The following GRIK3 variants were observed in gnomAD, a reference collection of about 807,000 sequenced individuals.
The protein encoded by GRIK3 is glutamate ionotropic receptor kainate type subunit 3.
Under a neutral mutation model 102.5 loss-of-function variants are expected in GRIK3, and 29 were observed. The ratio of observed to expected loss-of-function variants is 0.28; its 90% CI spans 0.21 to 0.39. The LOEUF (loss-of-function observed/expected upper bound fraction) is 0.39. GRIK3 is among the 10% of genes least tolerant of loss of function. The probability of loss-of-function intolerance (pLI) is 1.00; values close to 1 mark genes in which losing one functional copy is unlikely to be tolerated. For synonymous variants in GRIK3, 511 were observed against 504.9 expected, an observed-to-expected ratio of 1.01 and a Z score of -0.16; for missense variants, 908 against 1,252.4, an observed-to-expected ratio of 0.73 and a Z score of 4.15.
At chr1:36,868,295 C>T (rs1640807821) in intron 5 of GRIK3, among the ~76,000 whole-genome samples, 1 of 152,186 alleles carries the variant, frequency 6.6e-6, no homozygotes. Flanking sequence ...AGGAAGAAGC[C>T]AGCTTAGGTG....
chr1:36,986,338 C>CCCATCCATCCATCCAT (rs374435133), intron 1 of GRIK3, among the ~76,000 whole-genome samples: 14 of 151,808 alleles, frequency 9.2e-5, no homozygotes, highest in African/African-American at 2.7e-4. Context: ...CATCTGTCCG[C>CCCATCCATCCATCCAT]CCATCCATCC....
intron 1 of GRIK3, among the ~76,000 whole-genome samples, chr1:36,908,900 G>A (rs1641314943): frequency 6.6e-6 from 1 of 151,992 alleles, no homozygotes; most frequent in Non-Finnish European, 1.5e-5. Flanking sequence ...AACCTTGTGT[G>A]GAAGCCCAAC....
intron 1 of GRIK3, among the ~76,000 whole-genome samples, chr1:36,908,778 GGTGT>G (rs56228690): frequency 4.5e-3 from 655 of 147,068 alleles, no homozygotes; most frequent in East Asian, 0.012. Flanking sequence ...AATGGGATAG[GGTGT>G]GTGTGTGTGT....
At chr1:36,905,483 C>A in intron 1 of GRIK3, among the ~76,000 whole-genome samples, 1 of 148,174 alleles carries the variant, frequency 6.7e-6, no homozygotes. Flanking sequence ...TGAGATAGAG[C>A]TTTGGTAATA....
intron 1 of GRIK3, among the ~76,000 whole-genome samples, chr1:36,893,232 A>T (rs1641136481): frequency 2.6e-5 from 4 of 152,196 alleles, no homozygotes; most frequent in African/African-American, 7.2e-5. Context: ...AAAACCATAA[A>T]CAAAATTAAA....
rs535231601 is a variant in GRIK3 at position 36,798,781 on chromosome 1, G to A, written c.*3070C>T. The A allele has an allele frequency of 3.9e-5, 6 of 152,382 alleles. No homozygotes were observed. Among genetic ancestry groups the A allele is most frequent in the African/African-American group, 1.2e-4 (5 of 41,600 alleles). The allele number at this position is 152,382 out of a possible 1,614,324, so 9.4% of individuals were successfully genotyped here. ...ACATCAGGACGCAAGGTTTGCCTGG[G>A]AGAGGAGATGAGGCAGCATGCCCTC... On this transcript the variant is annotated 3_prime_UTR_variant, in exon 16 of 16. Coordinates refer to ENST00000373091, the MANE Select transcript of GRIK3 (RefSeq NM_000831.4).
chr1:36,992,426 T>C (rs1402259240), intron 1 of GRIK3, among the ~76,000 whole-genome samples: 1 of 152,060 alleles, frequency 6.6e-6, no homozygotes, highest in Non-Finnish European at 1.5e-5. Context: ...AAGAGGGCCA[T>C]AATGAAATGT....
At chr1:37,013,926 C>T (rs1197655033) in intron 1 of GRIK3, among the ~76,000 whole-genome samples, 1 of 152,252 alleles carries the variant, frequency 6.6e-6, no homozygotes, top group East Asian at 1.9e-4. Flanking sequence ...CATCGAATGC[C>T]TTGCCCCAGC....
chr1:36,969,782 A>G (rs563630254), intron 1 of GRIK3, among the ~76,000 whole-genome samples: 1 of 152,352 alleles, frequency 6.6e-6, no homozygotes. Context: ...GCCATAACAC[A>G]CATCTTCTCA....
At chr1:36,976,010 CAAAGAAGCA>C (rs1347567585) in intron 1 of GRIK3, among the ~76,000 whole-genome samples, 3 of 152,184 alleles carry the variant, frequency 2.0e-5, no homozygotes, top group Non-Finnish European at 4.4e-5. Flanking sequence ...GCTTTAACAG[CAAAGAAGCA>C]AAAGAAGCAG....
intron 1 of GRIK3, among the ~76,000 whole-genome samples, chr1:37,004,939 A>T (rs984085439): frequency 1.3e-5 from 2 of 152,220 alleles, no homozygotes; most frequent in African/African-American, 4.8e-5. Flanking sequence ...CAACGGCCCC[A>T]GTTGGCCAGC....
At chr1:36,855,736 T>C (rs981613534) in intron 7 of GRIK3, among the ~76,000 whole-genome samples, 1 of 152,246 alleles carries the variant, frequency 6.6e-6, no homozygotes, top group Non-Finnish European at 1.5e-5. Flanking sequence ...TCCCTTAGAT[T>C]AGGGCTGGCC....
intron 1 of GRIK3, among the ~76,000 whole-genome samples, chr1:36,913,852 A>G (rs1641372323): frequency 6.6e-6 from 1 of 151,938 alleles, no homozygotes; most frequent in Non-Finnish European, 1.5e-5. Flanking sequence ...CAGCCCACCC[A>G]TCCTGCAGGT....
At position 36,850,353 on chromosome 1, in the gene GRIK3, G is replaced by T. The variant is rs761206531; in HGVS notation, c.1284C>A (p.Thr428=). The T allele has an allele frequency of 1.2e-6, 2 of 1,613,342 alleles. No homozygotes were observed. Among genetic ancestry groups the T allele is most frequent in the South Asian group, 1.1e-5 (1 of 91,066 alleles). Residue 428 remains threonine, a synonymous_variant, in exon 9 of 16, where the codon ACC becomes ACA. Coordinates refer to ENST00000373091, the MANE Select transcript of GRIK3 (RefSeq NM_000831.4). This position sits in a 1 kb window ranked among gnomAD's most constrained non-coding sequence, Gnocchi z 4.0. The part of the protein sequence containing the change: ...EVAKGRGPNV[T]DSLTNRSLIV... ...TGAGTGATCTGTTTGTCAGAGAGTC[G>T]GTGACATTAGGGCCTCGGCCTTTGG...
intron 1 of GRIK3, among the ~76,000 whole-genome samples, chr1:36,909,043 A>G (rs111237586): frequency 6.6e-6 from 1 of 152,166 alleles, no homozygotes. Flanking sequence ...AGGAAGTAAC[A>G]TTGCCTCAAT....
chr1:36,968,769 G>C (rs947921769), intron 1 of GRIK3, among the ~76,000 whole-genome samples: 1 of 152,240 alleles, frequency 6.6e-6, no homozygotes, highest in Non-Finnish European at 1.5e-5. Context: ...GGGTAGCAAC[G>C]TGGCTCCCAT....
rs367749442 is a variant in GRIK3 at position 37,011,406 on chromosome 1, C to A, written c.115+22588G>T. On this transcript the variant is annotated intron_variant, in intron 1 of 15. Coordinates refer to ENST00000373091, the MANE Select transcript of GRIK3 (RefSeq NM_000831.4). ...AGCAGCGAAAGGCAGCTAACATGAGCCAGCACACAGTGCTTCCCATAGTCA... is the reference window on the plus strand; with the variant it reads ...AGCAGCGAAAGGCAGCTAACATGAGACAGCACACAGTGCTTCCCATAGTCA... 1.2e-4 allele frequency among the ~76,000 whole-genome samples: 18 copies of A among 152,354 alleles called. No homozygotes were observed. In the East Asian group the frequency reaches 3.5e-3, roughly 29 times the overall value.
chr1:36,987,992 C>T (rs544630760), intron 1 of GRIK3, among the ~76,000 whole-genome samples: 6 of 152,242 alleles, frequency 3.9e-5, no homozygotes, highest in African/African-American at 1.4e-4. Context: ...TTCATGCAAA[C>T]GAAAACCTGA....
rs112773599 is a variant in GRIK3, at chr1:36,870,936, G to C, written c.733-1135C>G. On this transcript the variant is annotated intron_variant, in intron 4 of 15. Coordinates refer to ENST00000373091, the MANE Select transcript of GRIK3 (RefSeq NM_000831.4). ...GTCTGGGTGGTGGGGGTTGGGGTAG[G>C]GGGGAGAAGAGGCACTGGGCACAGC... 4.6e-5 allele frequency among the ~76,000 whole-genome samples: 7 copies of C among 151,960 alleles called. No homozygotes were observed. In the East Asian group the frequency reaches 5.8e-4, roughly 13 times the overall value.
Sources: gnomAD v4.1 joint callset for allele counts (sites outside exome capture counted in the v4.1 genomes callset) on GRCh38, gnomAD v4.1.1 for gene constraint, Gnocchi (gnomAD v3.1) non-coding constraint, MANE v1.5 for transcripts, NCBI Gene and HGNC (gene_info 2026-07-23, HGNC 2026-07-21) for gene names.